Variants in LINGO2 observed in about 807,000 individuals in gnomAD.
LINGO2 encodes leucine-rich repeat and immunoglobulin-like domain-containing nogo receptor-interacting protein 2.
A neutral mutation model predicts 30.6 loss-of-function variants in LINGO2; 14 were observed. The observed-to-expected ratio is 0.46, with a 90% CI of 0.30 to 0.72. The LOEUF (loss-of-function observed/expected upper bound fraction) is 0.72. Ranked by LOEUF, LINGO2 falls within the 30% of genes least tolerant of loss-of-function variation. The pLI is 0.07. For synonymous variants in LINGO2, 317 were observed against 288.5 expected, an observed-to-expected ratio of 1.10 and a Z score of -1.00; for missense variants, 729 against 751.7, an observed-to-expected ratio of 0.97 and a Z score of 0.35.
At chr9:28,195,621 T>A (rs1158949255) in intron 4 of LINGO2, among the ~76,000 whole-genome samples, 1 of 151,344 alleles carries the variant, frequency 6.6e-6, no homozygotes, top group Non-Finnish European at 1.5e-5. Flanking sequence ...AACAGATGAT[T>A]TTCTAAGAAA....
chr9:29,119,907 A>T, the LINGO2 span, among the ~76,000 whole-genome samples: 1 of 152,146 alleles, frequency 6.6e-6, no homozygotes, highest in Non-Finnish European at 1.5e-5. Flanking sequence ...ATAACTTTAT[A>T]TGTATATTTT....
chr9:28,698,190 C>G, the LINGO2 span, among the ~76,000 whole-genome samples: 1 of 152,010 alleles, frequency 6.6e-6, no homozygotes, highest in Non-Finnish European at 1.5e-5. Context: ...TTTGGTTTTT[C>G]ATGCTTTTTA....
intron 4 of LINGO2, among the ~76,000 whole-genome samples, chr9:28,161,921 A>G (rs1330492799): frequency 6.6e-6 from 1 of 152,150 alleles, no homozygotes; most frequent in Non-Finnish European, 1.5e-5. Flanking sequence ...CAAATTTTCC[A>G]ATGTTTCAAT....
the LINGO2 span, among the ~76,000 whole-genome samples, chr9:28,752,182 G>T: frequency 6.6e-6 from 1 of 151,922 alleles, no homozygotes; most frequent in Non-Finnish European, 1.5e-5. Flanking sequence ...GAAACATTGT[G>T]TAAGTATTGG....
In LINGO2 at chr9:28,045,063, T is replaced by G. The variant is rs565959414; in HGVS notation, c.-86-32658A>C. The stretch of plus-strand genomic sequence containing the variant: ...GGCTCTGAGAAAGCCAGTGAACCAG[T>G]AGAAGTCAGGCAATATAATAGAAGA... On this transcript the variant is annotated intron_variant, in intron 4 of 5. Transcript: ENST00000379992. Among the ~76,000 whole-genome samples, 43 of 152,126 alleles carry G rather than the reference T, an allele frequency of 2.8e-4. No individual in the cohort carries two copies. In the South Asian group the frequency reaches 8.7e-3, roughly 31 times the overall value.
the LINGO2 span, among the ~76,000 whole-genome samples, chr9:29,126,155 C>A: frequency 1.3e-5 from 2 of 151,998 alleles, no homozygotes; most frequent in Non-Finnish European, 1.5e-5. Context: ...TCAATCAACC[C>A]CAATTATGTT....
At chr9:28,349,967 C>T (rs910615774) in intron 3 of LINGO2, among the ~76,000 whole-genome samples, 3 of 152,074 alleles carry the variant, frequency 2.0e-5, no homozygotes, top group African/African-American at 4.8e-5. Flanking sequence ...TTTGTCACCA[C>T]CAGGCCTACC....
exon 6 of LINGO2, chr9:27,949,053 G>T: frequency 6.2e-7 from 1 of 1,614,082 alleles, no homozygotes; most frequent in Non-Finnish European, 8.5e-7. Flanking sequence ...CACCAGTATT[G>T]TTTTAAGGTC....
chr9:28,974,866 C>T, the LINGO2 span, among the ~76,000 whole-genome samples: 1 of 151,912 alleles, frequency 6.6e-6, no homozygotes, highest in Non-Finnish European at 1.5e-5. Context: ...AAGACATTTC[C>T]ATTGTCATGA....
At chr9:28,708,889 A>T in the LINGO2 span, among the ~76,000 whole-genome samples, 1 of 152,072 alleles carries the variant, frequency 6.6e-6, no homozygotes, top group African/African-American at 2.4e-5. Flanking sequence ...CCTAGACCTG[A>T]TCTATAATAG....
At chr9:28,282,188 G>A (rs73431306) in intron 4 of LINGO2, among the ~76,000 whole-genome samples, 1,929 of 152,148 alleles carry the variant, frequency 0.013, 60 homozygotes, top group African/African-American at 0.044. Context: ...GTTATTTCCA[G>A]GATACAAATC....
chr9:28,362,662 G>T lies in LINGO2; in HGVS notation c.-246+10174C>A. ...ATTTTGTATTTTTAGTAGAGACGGG[G>T]TTTCTCCACGTTGGTCAGGCTGGTC... is the stretch of plus-strand genomic sequence containing the variant. On this transcript the variant is annotated intron_variant, in intron 3 of 5. Transcript: ENST00000379992. Among the ~76,000 whole-genome samples the T allele has an allele frequency of 1.3e-5, 2 of 151,976 alleles. 1 individual carries two copies. The highest frequency in any genetic ancestry group is 2.9e-5 in the Non-Finnish European group (2 of 68,008).
chr9:29,018,174 A>T, the LINGO2 span, among the ~76,000 whole-genome samples: 214 of 150,298 alleles, frequency 1.4e-3, 1 homozygote, highest in Non-Finnish European at 2.2e-3. Flanking sequence ...TCCTAAGCAA[A>T]CTGATGCAAG....
At chr9:27,946,076 C>T (rs934030436), downstream of LINGO2, among the ~76,000 whole-genome samples, 3 of 152,044 alleles carry the variant, frequency 2.0e-5, no homozygotes, top group African/African-American at 7.2e-5. Context: ...GTAGACCAAC[C>T]GGGGTTCTAT....
chr9:29,086,504 C>T, the LINGO2 span, among the ~76,000 whole-genome samples: 1 of 151,850 alleles, frequency 6.6e-6, no homozygotes, highest in East Asian at 1.9e-4. Flanking sequence ...TCCACTCTGA[C>T]CCTCAATTCC....
intron 3 of LINGO2, among the ~76,000 whole-genome samples, chr9:28,321,115 T>C (rs996033023): frequency 7.2e-5 from 11 of 152,256 alleles, no homozygotes; most frequent in African/African-American, 1.9e-4. Flanking sequence ...CCTTATCCCA[T>C]TGAAATTAAA....
chr9:28,141,124 A>G (rs921179603), intron 4 of LINGO2, among the ~76,000 whole-genome samples: 2 of 152,152 alleles, frequency 1.3e-5, no homozygotes, highest in African/African-American at 4.8e-5. Context: ...GAAATTCTTA[A>G]TAGCTTATTA....
chr9:28,524,300 A>C (rs192426442), intron 1 of LINGO2, among the ~76,000 whole-genome samples: 24 of 152,354 alleles, frequency 1.6e-4, no homozygotes, highest in African/African-American at 5.1e-4. Context: ...ATTAAATGAA[A>C]GAGCAAAAGC....
intron 5 of LINGO2, among the ~76,000 whole-genome samples, chr9:27,984,975 T>TA (rs1161705953): frequency 6.6e-6 from 1 of 151,888 alleles, no homozygotes; most frequent in African/African-American, 2.4e-5. Context: ...AATAGAGTTT[T>TA]AGGGGAAGAG....
Sources: gnomAD v4.1 joint callset for allele counts (sites outside exome capture counted in the v4.1 genomes callset) on GRCh38, gnomAD v4.1.1 for gene constraint, MANE v1.5 for transcripts, NCBI Gene and HGNC (gene_info 2026-07-23, HGNC 2026-07-21) for gene names.